NOSTRIN: variants seen among roughly 807,000 people sequenced by gnomAD.
NOSTRIN encodes the protein nitric oxide synthase trafficking, also known as BM247 homolog.
In NOSTRIN, 63 loss-of-function variants were observed where a neutral mutation model predicts 59.0. The observed-to-expected ratio is 1.07, with a 90% confidence interval of 0.87 to 1.32. The LOEUF is 1.32. NOSTRIN is among the 40% of genes most tolerant of loss of function. The probability of loss-of-function intolerance (pLI) is 0.00; values close to 1 mark genes in which losing one functional copy is unlikely to be tolerated. For synonymous variants in NOSTRIN, 200 were observed against 165.4 expected, an observed-to-expected ratio of 1.21 and a Z score of -1.61; for missense variants, 512 against 473.1, an observed-to-expected ratio of 1.08 and a Z score of -0.76.
chr2:168,839,291 A>G (rs1359895662), intron 7 of NOSTRIN, among the ~76,000 whole-genome samples: 1 of 152,164 alleles, frequency 6.6e-6, no homozygotes, highest in Non-Finnish European at 1.5e-5. Flanking sequence ...ATTTTTGAGC[A>G]CTTACTATGA....
intron 14 of NOSTRIN, among the ~76,000 whole-genome samples, chr2:168,861,625 G>A (rs957000003): frequency 2.0e-5 from 3 of 152,040 alleles, no homozygotes; most frequent in East Asian, 1.9e-4. Context: ...CAAATATCCC[G>A]TATTTATACC....
chr2:168,823,045 T>C (rs1032714628), intron 2 of NOSTRIN, among the ~76,000 whole-genome samples: 7 of 152,136 alleles, frequency 4.6e-5, no homozygotes, highest in Non-Finnish European at 1.0e-4. Flanking sequence ...GAGATGGAGT[T>C]TTGCTCTGTC....
At chr2:168,821,484 G>A (rs1291584287) in intron 2 of NOSTRIN, among the ~76,000 whole-genome samples, 1 of 152,188 alleles carries the variant, frequency 6.6e-6, no homozygotes, top group Admixed American at 6.5e-5. Flanking sequence ...TATGTGCCAA[G>A]CACTCTTCTA....
At chr2:168,792,303 G>GA (rs1477683488) in intron 2 of NOSTRIN, among the ~76,000 whole-genome samples, 1 of 151,962 alleles carries the variant, frequency 6.6e-6, no homozygotes, top group East Asian at 1.9e-4. Flanking sequence ...ATTATCAAAG[G>GA]AAAAATTTAG....
At chr2:168,807,856 T>C (rs1317965824) in intron 1 of NOSTRIN, among the ~76,000 whole-genome samples, 1 of 152,208 alleles carries the variant, frequency 6.6e-6, no homozygotes, top group East Asian at 1.9e-4. Flanking sequence ...TACTGGTCTA[T>C]GAAATGACAG....
chr2:168,834,170 T>G, intron 6 of NOSTRIN, 57 bp from the exon 7 acceptor site: 1 of 820,860 alleles, frequency 1.2e-6, no homozygotes, highest in Middle Eastern at 2.2e-4. Context: ...GAGGAGAGTT[T>G]TCTCTTGGCA....
At chr2:168,795,769 A>G (rs1197594243), upstream of NOSTRIN, among the ~76,000 whole-genome samples, 2 of 152,236 alleles carry the variant, frequency 1.3e-5, no homozygotes, top group African/African-American at 4.8e-5. Context: ...TTACAACCAC[A>G]AAGTAATTAG....
intron 2 of NOSTRIN, among the ~76,000 whole-genome samples, chr2:168,812,262 GC>G (rs956886405): frequency 3.3e-5 from 5 of 152,086 alleles, no homozygotes; most frequent in African/African-American, 1.2e-4. Context: ...GACCTTTTAG[GC>G]CTTTTCCCTA....
intron 15 of NOSTRIN, among the ~76,000 whole-genome samples, chr2:168,862,765 G>A (rs202063536): frequency 8.1e-6 from 1 of 123,950 alleles, no homozygotes; most frequent in Non-Finnish European, 1.8e-5. Context: ...CCTTCTTTAT[G>A]TGTCCAGTTA....
intron 6 of NOSTRIN, 103 bp from the exon 7 acceptor site, chr2:168,834,124 G>T: frequency 1.5e-6 from 1 of 667,042 alleles, no homozygotes; most frequent in Non-Finnish European, 2.7e-6. Flanking sequence ...ATACATAATT[G>T]TTAAAGCTAG....
intron 1 of NOSTRIN, among the ~76,000 whole-genome samples, chr2:168,806,592 A>T (rs950776455): frequency 6.6e-6 from 1 of 152,120 alleles, no homozygotes; most frequent in African/African-American, 2.4e-5. Context: ...TTATTTTTTT[A>T]GGGGCTCAGG....
intron 2 of NOSTRIN, among the ~76,000 whole-genome samples, chr2:168,817,680 T>G (rs1475835475): frequency 6.6e-6 from 1 of 152,126 alleles, no homozygotes. Context: ...ATTGCTTACG[T>G]TTTCCCTGGG....
chr2:168,798,879 G>C (rs934288134), upstream of NOSTRIN, among the ~76,000 whole-genome samples: 4 of 152,078 alleles, frequency 2.6e-5, no homozygotes, highest in Non-Finnish European at 5.9e-5. Flanking sequence ...AAATGGCTTA[G>C]AGCAGTCTGA....
At chr2:168,839,884 CA>C (rs58341006) in intron 7 of NOSTRIN, among the ~76,000 whole-genome samples, 710 of 31,176 alleles carry the variant, frequency 0.023, 14 homozygotes, top group Middle Eastern at 0.058. Flanking sequence ...GACTCCGTCT[CA>C]AAAAAAAAAA....
At chr2:168,826,361 C>T (rs1316972739) in intron 3 of NOSTRIN, among the ~76,000 whole-genome samples, 1 of 152,130 alleles carries the variant, frequency 6.6e-6, no homozygotes, top group Non-Finnish European at 1.5e-5. Context: ...TTTATCCATA[C>T]CGAAATCTGT....
intron 11 of NOSTRIN, chr2:168,855,889 T>C (rs774746395): frequency 2.0e-5 from 9 of 454,532 alleles, no homozygotes; most frequent in Admixed American, 4.8e-5. Context: ...TACGTAGAAG[T>C]TAGGCATGTC....
At chr2:168,823,238 G>C (rs144868009) in intron 2 of NOSTRIN, among the ~76,000 whole-genome samples, 2 of 151,970 alleles carry the variant, frequency 1.3e-5, no homozygotes, top group East Asian at 3.9e-4. Flanking sequence ...GGATGGTCTC[G>C]ATCTCCTGAC....
At chr2:168,850,642 G>T (rs1688705929) in intron 8 of NOSTRIN, among the ~76,000 whole-genome samples, 1 of 150,930 alleles carries the variant, frequency 6.6e-6, no homozygotes, top group Non-Finnish European at 1.5e-5. Context: ...GCTAGGCGCG[G>T]TGGCTCATGC....
intron 6 of NOSTRIN, among the ~76,000 whole-genome samples, chr2:168,833,502 A>C (rs1403487311): frequency 6.6e-6 from 1 of 152,234 alleles, no homozygotes; most frequent in Non-Finnish European, 1.5e-5. Context: ...CTACTTCCTG[A>C]ACAGGCTAAA....
Sources: gnomAD v4.1 joint callset for allele counts (sites outside exome capture counted in the v4.1 genomes callset) on GRCh38, gnomAD v4.1.1 for gene constraint, MANE v1.5 for transcripts, NCBI Gene and HGNC (gene_info 2026-07-23, HGNC 2026-07-21) for gene names.